SECISBP2L: variants seen among roughly 807,000 people sequenced by gnomAD.
The protein encoded by SECISBP2L is selenocysteine insertion sequence-binding protein 2-like.
A neutral mutation model predicts 114.7 loss-of-function variants in SECISBP2L; 43 were observed. That is an observed-to-expected ratio of 0.38 (90% CI 0.29 to 0.48). The LOEUF (loss-of-function observed/expected upper bound fraction) is 0.48. Ranked by LOEUF, SECISBP2L falls within the 20% of genes least tolerant of loss-of-function variation. The probability of loss-of-function intolerance (pLI) is 0.98; values close to 1 mark genes in which losing one functional copy is unlikely to be tolerated. For synonymous variants in SECISBP2L, 451 were observed against 439.7 expected, an observed-to-expected ratio of 1.03 and a Z score of -0.32; for missense variants, 1,136 against 1,301.1, an observed-to-expected ratio of 0.87 and a Z score of 1.95.
chr15:49,013,070 C>T (rs556729921), intron 11 of SECISBP2L: 1 of 357,978 alleles, frequency 2.8e-6, no homozygotes, highest in Non-Finnish European at 5.0e-6. Flanking sequence ...CTCTCCTGTA[C>T]AACCCTCAAA....
chr15:49,027,238 T>C (rs1902762605), intron 7 of SECISBP2L, 127 bp downstream of exon 7: 2 of 575,592 alleles, frequency 3.5e-6, no homozygotes, highest in Non-Finnish European at 6.0e-6. Flanking sequence ...TAAGCCATTT[T>C]AAAGTTACAC....
intron 14 of SECISBP2L, among the ~76,000 whole-genome samples, chr15:49,006,332 T>G (rs1902323167): frequency 6.6e-6 from 1 of 152,206 alleles, no homozygotes; most frequent in South Asian, 2.1e-4. Flanking sequence ...GATAATATCC[T>G]GAAGAGTGTT....
In SECISBP2L at chr15:48,992,095, G is replaced by C. The variant is rs1175783823; in HGVS notation, c.*149C>G. ...GATACTAATTAAAAGCTAAGCTACAGATCATAACAAGTAAAAGCTACAAAA... is the reference window on the plus strand; with the variant it reads ...GATACTAATTAAAAGCTAAGCTACACATCATAACAAGTAAAAGCTACAAAA... On this transcript the variant is annotated 3_prime_UTR_variant, in exon 18 of 18. Transcript: ENST00000559471. 3 of 702,554 alleles carry C rather than the reference G, an allele frequency of 4.3e-6. No individual in the cohort carries two copies. The highest frequency in any genetic ancestry group is 6.8e-6 in the Non-Finnish European group (3 of 438,980). 43.5% of individuals were successfully genotyped at this position (702,554 alleles called of 1,614,324 possible).
chr15:49,017,065 T>A, intron 9 of SECISBP2L, 50 bp from the exon 10 acceptor site: 2 of 1,576,102 alleles, frequency 1.3e-6, no homozygotes, highest in Admixed American at 1.8e-5. Flanking sequence ...TAAAAGTCAA[T>A]CATAAGGAAA....
At chr15:49,019,315 G>A (rs1902595660) in intron 8 of SECISBP2L, 103 bp downstream of exon 8, 5 of 924,704 alleles carry the variant, frequency 5.4e-6, no homozygotes, top group Non-Finnish European at 7.1e-6. Flanking sequence ...AGAATCACAT[G>A]TTAAGACATA....
At chr15:49,006,146 G>A (rs539337077) in intron 14 of SECISBP2L, among the ~76,000 whole-genome samples, 1 of 152,196 alleles carries the variant, frequency 6.6e-6, no homozygotes, top group African/African-American at 2.4e-5. Context: ...TACCTTTCTG[G>A]GTAACCCGAC....
At chr15:48,994,940 A>G (rs1340515857) in intron 17 of SECISBP2L, among the ~76,000 whole-genome samples, 1 of 151,928 alleles carries the variant, frequency 6.6e-6, no homozygotes, top group Non-Finnish European at 1.5e-5. Flanking sequence ...TAAAAATTTT[A>G]GATGCACATT....
rs1373431628 is a variant in SECISBP2L, at chr15:48,992,379, C to G, written c.3171G>C (p.Glu1057Asp). Residue 1057 changes from glutamate to aspartate, a missense_variant, in exon 18 of 18, where the codon GAG (glutamate) becomes GAC (aspartate). Around this residue, in one of 2 missense-constraint regions of SECISBP2L, gnomAD observed 684 missense variants for 848.7 expected, o/e 0.81. Coordinates refer to ENST00000559471, the MANE Select transcript of SECISBP2L (RefSeq NM_001193489.2). ...CACTGTCCATCCCTGGCTCCAGCAC[C>G]TCAGGCGCCTCTGCTTCCTCTTCTC... is the stretch of plus-strand genomic sequence containing the variant. ...QSGEEEAEAP[E>D]VLEPGMDSEA... is the part of the protein sequence containing the mutation. 1 of 1,614,198 alleles carries G rather than the reference C, an allele frequency of 6.2e-7. No homozygotes were observed. Among genetic ancestry groups the G allele is most frequent in the South Asian group, 1.1e-5 (1 of 91,080 alleles).
rs1336322381 is a variant in SECISBP2L, at chr15:48,996,565, C to T, written c.2425G>A (p.Glu809Lys). The T allele has an allele frequency of 6.2e-7, 1 of 1,613,296 alleles. No homozygotes were observed. Among genetic ancestry groups the T allele is most frequent in the Non-Finnish European group, 8.5e-7 (1 of 1,179,774 alleles). Reference protein sequence around the residue: ...GAESLFNKLVELTEEARKAYK... With the variant: ...GAESLFNKLVKLTEEARKAYK... ...GCTTTCCTGGCCTCCTCAGTGAGTT[C>T]TACTAATTTATTAAACAGGCTCTGA... Residue 809 changes from glutamate (E) to lysine (K), a missense_variant, in exon 17 of 18, where the codon GAA (glutamate) becomes AAA (lysine). Coordinates refer to ENST00000559471, the MANE Select transcript of SECISBP2L (RefSeq NM_001193489.2).
At position 48,999,846 on chromosome 15, in the gene SECISBP2L, T is replaced by G. The variant is rs577214118; in HGVS notation, c.2390A>C (p.Tyr797Ser). 2.5e-6 allele frequency: 4 copies of G among 1,613,792 alleles called. No individual in the cohort carries two copies. The highest frequency in any genetic ancestry group is 3.4e-6 in the Non-Finnish European group (4 of 1,179,778). Residue 797 changes from tyrosine (Y) to serine (S), a missense_variant, in exon 16 of 18, where the codon TAC (tyrosine) becomes TCC (serine). This residue lies in a region of SECISBP2L where 684 missense variants were observed against 848.7 expected (regional missense o/e 0.81). Coordinates refer to ENST00000559471, the MANE Select transcript of SECISBP2L (RefSeq NM_001193489.2). The part of the protein sequence containing the change: ...VPVSVVGIFN[Y>S]FGAESLFNKL... ...CTAAATTCTTACCTCAGCACCAAAG[T>G]AGTTGAAGATTCCCACTACGCTAAC...
intron 3 of SECISBP2L, 138 bp downstream of exon 3, chr15:49,035,196 C>T (rs1365437511): frequency 2.9e-6 from 2 of 696,502 alleles, no homozygotes; most frequent in Non-Finnish European, 4.7e-6. Flanking sequence ...GAATTACATA[C>T]CCTTTACCAT....
Position 48,988,673 on chromosome 15 carries a change from AT to A in SECISBP2L, c.*3570del, listed in dbSNP as rs1472164035. 4 of 454,298 alleles carry A rather than the reference AT, an allele frequency of 8.8e-6. No individual in the cohort carries two copies. The highest frequency in any genetic ancestry group is 1.8e-5 in the Non-Finnish European group (4 of 226,024). The allele number at this position is 454,298 out of a possible 1,614,324, so 28.1% of individuals were successfully genotyped here. A position where few individuals can be genotyped will look rare whatever the true frequency, so the allele number is the denominator to read the frequency against. The stretch of plus-strand genomic sequence containing the variant: ...ATAATCATTTTATTAGTACAGAAGA[AT>A]CCCCACTAGTATTTACATAGTGCAA... On this transcript the variant is annotated 3_prime_UTR_variant, in exon 18 of 18. Transcript: ENST00000559471.
At chr15:49,040,522 C>CTAT (rs1903101474) in intron 1 of SECISBP2L, among the ~76,000 whole-genome samples, 3 of 113,432 alleles carry the variant, frequency 2.6e-5, no homozygotes, top group South Asian at 3.0e-4. Flanking sequence ...TGATCCCAAA[C>CTAT]TATTCTTTTT....
intron 14 of SECISBP2L, among the ~76,000 whole-genome samples, chr15:49,005,109 C>T (rs908837313): frequency 6.6e-6 from 1 of 152,192 alleles, no homozygotes; most frequent in Non-Finnish European, 1.5e-5. Context: ...GCAGGTGGAT[C>T]ACCTGAGGTC....
chr15:49,012,558 T>C, intron 12 of SECISBP2L, 90 bp downstream of exon 12: 1 of 1,325,462 alleles, frequency 7.5e-7, no homozygotes. Context: ...CAACAATCTG[T>C]TGGCTAAGAC....
intron 13 of SECISBP2L, 97 bp from the exon 14 acceptor site, chr15:49,009,475 G>T: frequency 8.0e-7 from 1 of 1,254,430 alleles, no homozygotes; most frequent in Non-Finnish European, 1.1e-6. Flanking sequence ...ATTGTCTTTT[G>T]GGTCATTTCC....
At chr15:48,995,548 AAAAG>A (rs1902069356) in intron 17 of SECISBP2L, among the ~76,000 whole-genome samples, 1 of 152,214 alleles carries the variant, frequency 6.6e-6, no homozygotes, top group South Asian at 2.1e-4. Context: ...CCTCCCAGAG[AAAAG>A]AAAAAAAGAA....
intron 4 of SECISBP2L, among the ~76,000 whole-genome samples, chr15:49,032,286 G>A (rs1200777570): frequency 6.6e-6 from 1 of 152,104 alleles, no homozygotes; most frequent in Non-Finnish European, 1.5e-5. Context: ...ATGGGTGAGA[G>A]GAGATAAACA....
intron 16 of SECISBP2L, among the ~76,000 whole-genome samples, chr15:48,996,895 G>GAACT (rs1902103685): frequency 6.6e-6 from 1 of 152,108 alleles, no homozygotes; most frequent in Non-Finnish European, 1.5e-5. Flanking sequence ...CACTACAGAG[G>GAACT]GTACAAAGAT....
Sources: gnomAD v4.1 joint callset for allele counts (sites outside exome capture counted in the v4.1 genomes callset) on GRCh38, gnomAD v4.1.1 for gene constraint, gnomAD v4.1.1 regional missense constraint, MANE v1.5 for transcripts, NCBI Gene and HGNC (gene_info 2026-07-23, HGNC 2026-07-21) for gene names.